BARX2: variants seen among roughly 807,000 people sequenced by gnomAD.
The protein encoded by BARX2 is BARX homeobox 2, also known as homeobox protein BarH-like 2.
Under a neutral mutation model 25.5 loss-of-function variants are expected in BARX2, and 11 were observed. The ratio of observed to expected loss-of-function variants is 0.43; its 90% CI spans 0.27 to 0.71. The LOEUF (loss-of-function observed/expected upper bound fraction) is 0.71. BARX2 is among the 30% of genes least tolerant of loss of function. BARX2 has a pLI of 0.19. For synonymous variants in BARX2, 137 were observed against 149.5 expected (o/e 0.92, Z 0.61); for missense variants, 360 against 359.9 (o/e 1.00, Z 0.00).
chr11:129,429,542 A>T (rs1378511425), intron 1 of BARX2, among the ~76,000 whole-genome samples: 1 of 152,142 alleles, frequency 6.6e-6, no homozygotes, highest in African/African-American at 2.4e-5. Context: ...AAAAAACGGA[A>T]GTTCAACTGG....
At chr11:129,401,955 C>CA (rs397825103) in intron 1 of BARX2, among the ~76,000 whole-genome samples, 18,784 of 104,428 alleles carry the variant, frequency 0.18, 1,660 homozygotes, top group East Asian at 0.31. Context: ...GACTCTGTCT[C>CA]AAAAAAAAAA....
chr11:129,385,691 A>T (rs1861610751), intron 1 of BARX2, among the ~76,000 whole-genome samples: 1 of 152,232 alleles, frequency 6.6e-6, no homozygotes, highest in African/African-American at 2.4e-5. Flanking sequence ...TATTAAGACA[A>T]AAAGGCCTAA....
chr11:129,412,733 G>A (rs1220081446), intron 1 of BARX2, among the ~76,000 whole-genome samples: 1 of 152,226 alleles, frequency 6.6e-6, no homozygotes, highest in Non-Finnish European at 1.5e-5. Context: ...TGGTGGGTGT[G>A]TCTTATGGAA....
At chr11:129,415,725 C>T (rs1861937139) in intron 1 of BARX2, among the ~76,000 whole-genome samples, 1 of 152,226 alleles carries the variant, frequency 6.6e-6, no homozygotes, top group Admixed American at 6.5e-5. Context: ...AGATATTTAT[C>T]AAGACTTAAT....
Position 129,376,205 on chromosome 11 carries a change from C to T in BARX2, c.170C>T (p.Pro57Leu), listed in dbSNP as rs565733482. Residue 57 changes from proline (P) to leucine (L), a missense_variant, in exon 1 of 4, where the codon CCC becomes CTC. Pro to Leu is a moderately conservative substitution (Grantham distance 98). Transcript: ENST00000281437. The surrounding 1 kb of genome is among the most constrained non-coding windows in gnomAD (Gnocchi z 4.2). The stretch of plus-strand genomic sequence containing the variant: ...CCGTCGCTGGTCGTGCGACCCAAGC[C>T]CCTGCATTCCTGTACGGGTAAGACG... ...VCPSLVVRPK[P>L]LHSCTGSPSL... The T allele has an allele frequency of 1.2e-6, 2 of 1,607,338 alleles. No individual in the cohort carries two copies. The highest frequency in any genetic ancestry group is 1.7e-6 in the Non-Finnish European group (2 of 1,176,912).
chr11:129,442,317 A>T (rs2135414883), intron 2 of BARX2, among the ~76,000 whole-genome samples: 1 of 152,260 alleles, frequency 6.6e-6, no homozygotes, highest in East Asian at 1.9e-4. Context: ...AGAGAACAGC[A>T]GGAAACGTGG....
intron 1 of BARX2, among the ~76,000 whole-genome samples, chr11:129,407,123 CCTGCATG>C (rs1209828755): frequency 1.3e-5 from 2 of 152,170 alleles, no homozygotes; most frequent in African/African-American, 4.8e-5. Flanking sequence ...TGTTTAACCT[CCTGCATG>C]CTGTAGAGCC....
At position 129,451,199 on chromosome 11, in the gene BARX2, C is replaced by A; in HGVS notation, c.637C>A (p.Pro213Thr). The change falls in exon 4 of 4, where the codon CCC becomes ACC. Residue 213 changes from proline (P) to threonine (T), a missense_variant. By Grantham distance (38) the Pro-to-Thr change is conservative (BLOSUM62 -1). Transcript: ENST00000281437. The stretch of plus-strand genomic sequence containing the variant: ...AGGTCGCCCCAAGAAGAACTCCATC[C>A]CCACATCAGAAGAGATTGAAGCTGA... ...PKGRPKKNSI[P>T]TSEEIEAEEK... The A allele has an allele frequency of 6.2e-7, 1 of 1,614,110 alleles. No individual in the cohort carries two copies. Among genetic ancestry groups the A allele is most frequent in the African/African-American group, 1.3e-5 (1 of 75,030 alleles).
intron 1 of BARX2, among the ~76,000 whole-genome samples, chr11:129,409,014 C>T (rs1215911432): frequency 6.6e-6 from 1 of 152,100 alleles, no homozygotes; most frequent in African/African-American, 2.4e-5. Context: ...TATTCACCAT[C>T]CAGAATCTAG....
Position 129,375,930 on chromosome 11 carries a change from T to G in BARX2, c.-106T>G, listed in dbSNP as rs997737767. The G allele has an allele frequency of 3.1e-6, 2 of 641,780 alleles. No homozygotes were observed. The highest frequency in any genetic ancestry group is 4.0e-5 in the African/African-American group (2 of 50,196). 39.8% of individuals were successfully genotyped at this position (641,780 alleles called of 1,614,324 possible). ...ACCCGAGCCCCGCCGCCTCCCCAGC[T>G]GCCGGGAGCGGGGCCCAGGCCCCGC... On this transcript the variant is annotated 5_prime_UTR_variant, in exon 1 of 4. Transcript: ENST00000281437. The surrounding 1 kb of genome is among the most constrained non-coding windows in gnomAD (Gnocchi z 4.0).
At chr11:129,433,710 G>C (rs1373058099) in intron 1 of BARX2, among the ~76,000 whole-genome samples, 2 of 152,162 alleles carry the variant, frequency 1.3e-5, no homozygotes, top group East Asian at 3.8e-4. Context: ...ACCTGCAGAA[G>C]GGTCATCTTC....
At chr11:129,409,999 C>G (rs1200001384) in intron 1 of BARX2, among the ~76,000 whole-genome samples, 1 of 152,150 alleles carries the variant, frequency 6.6e-6, no homozygotes, top group East Asian at 1.9e-4. Flanking sequence ...AGAACCTTGA[C>G]TTAACTTATA....
intron 1 of BARX2, among the ~76,000 whole-genome samples, chr11:129,396,817 G>A (rs1198260507): frequency 6.6e-6 from 1 of 152,072 alleles, no homozygotes; most frequent in Non-Finnish European, 1.5e-5. Flanking sequence ...TAGAACCCCT[G>A]AACTCTTTTG....
At chr11:129,431,555 C>G (rs1179524346) in intron 1 of BARX2, among the ~76,000 whole-genome samples, 1 of 152,216 alleles carries the variant, frequency 6.6e-6, no homozygotes, top group African/African-American at 2.4e-5. Context: ...AGAATCTTTT[C>G]ATGTGCTAAT....
At chr11:129,401,310 C>T (rs1861773129) in intron 1 of BARX2, among the ~76,000 whole-genome samples, 1 of 152,078 alleles carries the variant, frequency 6.6e-6, no homozygotes, top group South Asian at 2.1e-4. Flanking sequence ...ACTTGACCAC[C>T]TGTTTTTTAG....
intron 1 of BARX2, among the ~76,000 whole-genome samples, chr11:129,392,378 C>T (rs956549249): frequency 6.6e-6 from 1 of 152,188 alleles, no homozygotes; most frequent in Admixed American, 6.5e-5. Flanking sequence ...GAGGAGTGTG[C>T]ACAAGTGCAA....
rs577840637 is a variant in BARX2, at chr11:129,422,773, G to A, written c.188-13978G>A. Among the ~76,000 whole-genome samples the A allele has an allele frequency of 6.1e-5, 9 of 146,556 alleles. No individual in the cohort carries two copies. The South Asian group carries it at 6.6e-4, about 11-fold the overall frequency. ...GACTGGAGTGCAATGGCACCATCTC[G>A]GCTCACGGAAACCTCTACCTCCCAG... is the stretch of plus-strand genomic sequence containing the variant. On this transcript the variant is annotated intron_variant, in intron 1 of 3. Coordinates refer to ENST00000281437, the MANE Select transcript of BARX2 (RefSeq NM_003658.5).
chr11:129,442,505 G>C (rs1169675747), intron 2 of BARX2, among the ~76,000 whole-genome samples: 1 of 152,192 alleles, frequency 6.6e-6, no homozygotes, highest in Non-Finnish European at 1.5e-5. Flanking sequence ...CAGAGGGTCA[G>C]AGTGAATGCT....
intron 1 of BARX2, among the ~76,000 whole-genome samples, chr11:129,401,678 G>A (rs190532983): frequency 1.8e-4 from 27 of 152,236 alleles, no homozygotes; most frequent in East Asian, 7.7e-4. Flanking sequence ...CAAAGAAGCC[G>A]GGCACGGTGG....
Sources: gnomAD v4.1 joint callset for allele counts (sites outside exome capture counted in the v4.1 genomes callset) on GRCh38, gnomAD v4.1.1 for gene constraint, Gnocchi (gnomAD v3.1) non-coding constraint, MANE v1.5 for transcripts, NCBI Gene and HGNC (gene_info 2026-07-23, HGNC 2026-07-21) for gene names.